CDH4: variants seen among roughly 807,000 people sequenced by gnomAD.
CDH4 encodes cadherin 4, also known as cadherin-4.
CDH4 carries 33 observed loss-of-function variants against 86.0 expected under a neutral mutation model. The observed-to-expected ratio is 0.38, with a 90% CI of 0.29 to 0.51. CDH4 has a LOEUF of 0.51. CDH4 is among the 20% of genes least tolerant of loss of function. The probability of loss-of-function intolerance (pLI) is 0.86; values close to 1 mark genes in which losing one functional copy is unlikely to be tolerated. For missense variants in CDH4, 1,114 were observed against 1,307.4 expected (o/e 0.85, Z 2.28); for synonymous variants, 555 against 549.4 (o/e 1.01, Z -0.14).
intron 2 of CDH4, among the ~76,000 whole-genome samples, chr20:61,578,648 T>C (rs1182606165): frequency 6.6e-6 from 1 of 152,170 alleles, no homozygotes; most frequent in Non-Finnish European, 1.5e-5. Context: ...ACCAAGGACC[T>C]GGCCACCTCT....
rs190837030 is a variant in CDH4 at position 61,558,020 on chromosome 20, G to A, written c.170-185543G>A. ...TTGTGCTGAAATTGCCAGTTGGAAT[G>A]AGAACAGTTATGTTTTCAAGCTCGA... On this transcript the variant is annotated intron_variant, in intron 2 of 15. Transcript: ENST00000614565. Among the ~76,000 whole-genome samples, 5 of 152,258 alleles carry A rather than the reference G, an allele frequency of 3.3e-5. No homozygotes were observed. The East Asian group carries it at 9.7e-4, about 30-fold the overall frequency.
intron 2 of CDH4, among the ~76,000 whole-genome samples, chr20:61,344,995 A>T (rs140965620): frequency 2.6e-5 from 4 of 152,322 alleles, no homozygotes; most frequent in African/African-American, 9.6e-5. Flanking sequence ...TCTGAGTGAG[A>T]TCTCTCAGGT....
rs115033555 is a variant in CDH4 at position 61,273,887 on chromosome 20, G to A, written c.169+18950G>A. On this transcript the variant is annotated intron_variant, in intron 2 of 15. Transcript: ENST00000614565. ...GGAGGAGTATTGTGTGCAGTTTGGG[G>A]GAGTACCAAGCACCCTTTAGGGGAG... 3.7e-3 allele frequency among the ~76,000 whole-genome samples: 552 copies of A among 148,560 alleles called. 4 individuals are homozygous for A. The highest frequency in any genetic ancestry group is 0.013 in the African/African-American group (530 of 40,084).
intron 2 of CDH4, among the ~76,000 whole-genome samples, chr20:61,620,316 GTAGATGGATGGATGGA>G (rs886738087): frequency 6.6e-6 from 1 of 150,452 alleles, no homozygotes; most frequent in African/African-American, 2.5e-5. Flanking sequence ...AGATAGGTAG[GTAGATGGATGGATGGA>G]TAGATGGATG....
chr20:61,331,113 C>G (rs1334738436), intron 2 of CDH4, among the ~76,000 whole-genome samples: 2 of 152,094 alleles, frequency 1.3e-5, no homozygotes, highest in Non-Finnish European at 2.9e-5. Context: ...AGGATCTCTG[C>G]CAGGGCTGCA....
At chr20:61,570,532 A>G (rs1046501797) in intron 2 of CDH4, 5 of 624,316 alleles carry the variant, frequency 8.0e-6, no homozygotes, top group South Asian at 7.4e-5. Context: ...GTCGATGACA[A>G]GGCACCTCTG....
intron 2 of CDH4, among the ~76,000 whole-genome samples, chr20:61,630,664 A>T (rs1352732213): frequency 1.3e-5 from 2 of 152,226 alleles, no homozygotes; most frequent in Admixed American, 1.3e-4. Context: ...ATTCTCCCAG[A>T]GTCCAAGACA....
At chr20:61,424,015 C>T (rs930085551) in intron 2 of CDH4, among the ~76,000 whole-genome samples, 5 of 152,168 alleles carry the variant, frequency 3.3e-5, no homozygotes, top group Non-Finnish European at 5.9e-5. Context: ...TATATTCACA[C>T]ACACAGTATC....
intron 2 of CDH4, among the ~76,000 whole-genome samples, chr20:61,650,816 C>G (rs11697537): frequency 0.013 from 1,996 of 152,310 alleles, 15 homozygotes; most frequent in Non-Finnish European, 0.018. Context: ...CAATTAGCTC[C>G]GTCTCTCTTG....
At chr20:61,522,777 G>A (rs2085880740) in intron 2 of CDH4, among the ~76,000 whole-genome samples, 1 of 152,212 alleles carries the variant, frequency 6.6e-6, no homozygotes, top group South Asian at 2.1e-4. Flanking sequence ...ACGGCCCGGT[G>A]CCGGTGTGGC....
At chr20:61,662,204 G>A (rs192165030) in intron 2 of CDH4, among the ~76,000 whole-genome samples, 6 of 152,260 alleles carry the variant, frequency 3.9e-5, no homozygotes, top group Admixed American at 3.9e-4. Flanking sequence ...ATGCTTTGAG[G>A]GAAGTTGTAA....
chr20:61,751,787 C>T (rs1308993038), intron 3 of CDH4, among the ~76,000 whole-genome samples: 1 of 152,202 alleles, frequency 6.6e-6, no homozygotes, highest in African/African-American at 2.4e-5. Context: ...CCCATTTCTA[C>T]AGAAACAACA....
chr20:61,900,677 C>T (rs550580257), intron 8 of CDH4, among the ~76,000 whole-genome samples: 3 of 152,304 alleles, frequency 2.0e-5, no homozygotes, highest in African/African-American at 7.2e-5. Flanking sequence ...GCGGTGCTTC[C>T]GCCAGTCTCT....
chr20:61,658,896 G>A (rs947414315), intron 2 of CDH4, among the ~76,000 whole-genome samples: 3 of 152,234 alleles, frequency 2.0e-5, no homozygotes, highest in South Asian at 2.1e-4. Flanking sequence ...AGTGACATGC[G>A]GAGAAGGTGT....
At chr20:61,662,367 A>G (rs58575965) in intron 2 of CDH4, among the ~76,000 whole-genome samples, 71,601 of 152,120 alleles carry the variant, frequency 0.47, 17,492 homozygotes, top group African/African-American at 0.54. Context: ...CAAGTGTAGC[A>G]CCAGGTTGTG....
chr20:61,691,069 C>T (rs1232398570), intron 2 of CDH4, among the ~76,000 whole-genome samples: 1 of 152,166 alleles, frequency 6.6e-6, no homozygotes, highest in African/African-American at 2.4e-5. Flanking sequence ...AGTGATGCCA[C>T]CTCTCACAGC....
At chr20:61,404,719 T>C (rs1206785236) in intron 2 of CDH4, among the ~76,000 whole-genome samples, 2 of 151,972 alleles carry the variant, frequency 1.3e-5, no homozygotes, top group African/African-American at 4.8e-5. Flanking sequence ...ATTTAGGCTT[T>C]TTTTTTTTTT....
rs892871636 is a variant in CDH4 at position 61,656,226 on chromosome 20, C to T, written c.170-87337C>T. On this transcript the variant is annotated intron_variant, in intron 2 of 15. Transcript: ENST00000614565. ...GGGAATGCATGCTGAGGCGGGCAGG[C>T]GCGTGCTGGGGTGGGCAGGCGCGTG... is the stretch of plus-strand genomic sequence containing the variant. Among the ~76,000 whole-genome samples, 11 of 95,162 alleles carry T rather than the reference C, an allele frequency of 1.2e-4. No individual in the cohort carries two copies. In the East Asian group the frequency reaches 2.4e-3, roughly 21 times the overall value. The allele number at this position is 95,162 out of a possible 152,430, so 62.4% of individuals were successfully genotyped here. A position where few individuals can be genotyped will look rare whatever the true frequency, so the allele number is the denominator to read the frequency against.
At chr20:61,466,641 C>A (rs895498074) in intron 2 of CDH4, among the ~76,000 whole-genome samples, 3 of 152,038 alleles carry the variant, frequency 2.0e-5, no homozygotes, top group African/African-American at 4.8e-5. Context: ...GCCGGGAGTT[C>A]AAGATCAGCC....
Sources: allele counts gnomAD v4.1 joint callset (sites outside exome capture counted in the v4.1 genomes callset), GRCh38; gene constraint gnomAD v4.1.1; transcripts MANE v1.5; gene names NCBI Gene and HGNC (gene_info 2026-07-23, HGNC 2026-07-21).